Variants in PDCD7 observed in about 807,000 individuals in gnomAD.
PDCD7 encodes programmed cell death 7, also known as programmed cell death protein 7.
Under a neutral mutation model 42.1 loss-of-function variants are expected in PDCD7, and 40 were observed. The ratio of observed to expected loss-of-function variants is 0.95; its 90% CI spans 0.74 to 1.24. PDCD7 has a LOEUF of 1.24. PDCD7 is among the 50% of genes most tolerant of loss of function. The probability of loss-of-function intolerance (pLI) is 0.00; values close to 1 mark genes in which losing one functional copy is unlikely to be tolerated. For missense variants in PDCD7, 644 were observed against 662.8 expected (o/e 0.97, Z 0.31); for synonymous variants, 299 against 303.3 (o/e 0.99, Z 0.15).
At chr15:65,125,694 C>A (rs148209274) in intron 2 of PDCD7, among the ~76,000 whole-genome samples, 1 of 152,162 alleles carries the variant, frequency 6.6e-6, no homozygotes, top group African/African-American at 2.4e-5. Flanking sequence ...TTAATCCTCA[C>A]GACACCCCAT....
In PDCD7 at chr15:65,119,523, A is replaced by C. The variant is rs1272912591; in HGVS notation, c.1247-60T>G. On this transcript the variant is annotated intron_variant, in intron 3 of 4. Transcript: ENST00000204549. ...CTTGATATCCACAGTGTATTTCTCAAGGCAAGGTGACTGAGCCTATGATTA... is the reference window on the plus strand; with the variant it reads ...CTTGATATCCACAGTGTATTTCTCACGGCAAGGTGACTGAGCCTATGATTA... 8 of 1,345,812 alleles carry C rather than the reference A, an allele frequency of 5.9e-6. No individual in the cohort carries two copies. In the South Asian group the frequency reaches 7.0e-5, roughly 12 times the overall value. The allele number at this position is 1,345,812 out of a possible 1,614,324, so 83.4% of individuals were successfully genotyped here.
Position 65,119,380 on chromosome 15 carries a change from T to G in PDCD7, c.1330A>C (p.Ile444Leu). 1 of 1,611,936 alleles carries G rather than the reference T, an allele frequency of 6.2e-7. No individual in the cohort carries two copies. The highest frequency in any genetic ancestry group is 1.1e-5 in the South Asian group (1 of 90,976). Residue 444 changes from isoleucine (I) to leucine (L), a missense_variant, in exon 4 of 5, where the codon ATC (isoleucine) becomes CTC (leucine). Coordinates refer to ENST00000204549, the MANE Select transcript of PDCD7 (RefSeq NM_005707.2). The stretch of plus-strand genomic sequence containing the variant: ...TGGAGAGCCAGCCCCTCTGACCTGA[T>G]CTGGATGAGCGCTGGCAGGGAGTGC... ...AEHSLPALIQ[I>L]RHDWDQYLVP...
intron 2 of PDCD7, among the ~76,000 whole-genome samples, chr15:65,122,917 G>A (rs1254687427): frequency 2.6e-5 from 4 of 151,344 alleles, no homozygotes; most frequent in East Asian, 1.9e-4. Flanking sequence ...CAGGAGAATC[G>A]CTTGAAACCA....
At chr15:65,127,572 T>A (rs1420866349) in intron 2 of PDCD7, among the ~76,000 whole-genome samples, 2 of 151,736 alleles carry the variant, frequency 1.3e-5, no homozygotes, top group Non-Finnish European at 2.9e-5. Flanking sequence ...TGCTTAAACA[T>A]CCAGCCTCAT....
intron 2 of PDCD7, among the ~76,000 whole-genome samples, chr15:65,126,899 T>C (rs2087500687): frequency 6.6e-6 from 1 of 152,180 alleles, no homozygotes; most frequent in Non-Finnish European, 1.5e-5. Flanking sequence ...CATGGGTATA[T>C]ACACATATAC....
Position 65,118,703 on chromosome 15 carries a change from C to G in PDCD7, c.*14G>C. 6.3e-7 allele frequency: 1 copy of G among 1,594,492 alleles called. No homozygotes were observed. Among genetic ancestry groups the G allele is most frequent in the Non-Finnish European group, 8.5e-7 (1 of 1,170,720 alleles). ...AAAGAGCGCTGGCTGGACCACACTC[C>G]TGGAGCATCTTTACTAATGCAGCTT... On this transcript the variant is annotated 3_prime_UTR_variant, in exon 5 of 5. Coordinates refer to ENST00000204549, the MANE Select transcript of PDCD7 (RefSeq NM_005707.2).
chr15:65,126,359 CTCTT>C (rs952549364), intron 2 of PDCD7, among the ~76,000 whole-genome samples: 13 of 152,220 alleles, frequency 8.5e-5, no homozygotes, highest in African/African-American at 3.1e-4. Flanking sequence ...TGCTAATGAA[CTCTT>C]ATCCAGGATG....
At position 65,120,007 on chromosome 15, in the gene PDCD7, G is replaced by C. The variant is rs545499324; in HGVS notation, c.1010-53C>G. On this transcript the variant is annotated intron_variant, in intron 2 of 4. Coordinates refer to ENST00000204549, the MANE Select transcript of PDCD7 (RefSeq NM_005707.2). ...TATTTATTTTTTTTTTTGAGACAAG[G>C]CCTCGCTCTAACACCCAGGCTGGAG... The C allele has an allele frequency of 2.5e-5, 39 of 1,557,042 alleles. No homozygotes were observed. In the African/African-American group the frequency reaches 3.7e-4, roughly 15 times the overall value.
At position 65,119,933 on chromosome 15, in the gene PDCD7, G is replaced by A. The variant is rs1211539058; in HGVS notation, c.1031C>T (p.Ala344Val). ...AAGATGATGCGTAAAAGTCTCATCT[G>A]CTGAGGCTGGAGGACAGACCCCTGG... Reference protein sequence around the residue: ...ARKGVCPPASADETFTHHLQR... With the variant: ...ARKGVCPPASVDETFTHHLQR... The change falls in exon 3 of 5, where the codon GCA (alanine) becomes GTA (valine). Residue 344 changes from alanine (A) to valine (V), a missense_variant. Physicochemically the swap from Ala to Val is moderately conservative, Grantham distance 64. Transcript: ENST00000204549. 2 of 1,613,822 alleles carry A rather than the reference G, an allele frequency of 1.2e-6. No homozygotes were observed. The highest frequency in any genetic ancestry group is 3.3e-5 in the Admixed American group (2 of 59,968).
Position 65,133,226 on chromosome 15 carries a change from G to A in PDCD7, c.556C>T (p.Arg186Trp), listed in dbSNP as rs780117418. The change falls in exon 1 of 5, where the codon CGG becomes TGG. Residue 186 changes from arginine (R) to tryptophan (W), a missense_variant. Transcript: ENST00000204549. ...ARLLRALRLV[R>W]RLRGLSQALR... is the part of the protein sequence containing the mutation. ...GCCTGGCTCAGGCCGCGCAGCCGCCGCACCAGGCGCAGAGCCCGGAGCAAT... is the reference window on the plus strand; with the variant it reads ...GCCTGGCTCAGGCCGCGCAGCCGCCACACCAGGCGCAGAGCCCGGAGCAAT... The A allele has an allele frequency of 1.6e-5, 22 of 1,378,920 alleles. 2 individuals carry two copies. In the South Asian group the frequency reaches 2.9e-4, roughly 18 times the overall value. The allele number at this position is 1,378,920 out of a possible 1,614,324, so 85.4% of individuals were successfully genotyped here.
At chr15:65,123,231 A>G (rs1353447776) in intron 2 of PDCD7, among the ~76,000 whole-genome samples, 4 of 152,222 alleles carry the variant, frequency 2.6e-5, no homozygotes, top group Admixed American at 6.5e-5. Flanking sequence ...CTCTGTCACC[A>G]GGCTGGAGTA....
At position 65,133,655 on chromosome 15, in the gene PDCD7, G is replaced by A; in HGVS notation, c.127C>T (p.Gln43Ter). The A allele has an allele frequency of 7.9e-7, 1 of 1,263,968 alleles. No individual in the cohort carries two copies. Among genetic ancestry groups the A allele is most frequent in the South Asian group, 3.3e-5 (1 of 30,512 alleles). 78.3% of individuals were successfully genotyped at this position (1,263,968 alleles called of 1,614,324 possible). Residue 43 changes from glutamine (Q) to a stop codon, truncating the protein, a stop_gained, in exon 1 of 5, where the codon CAG becomes TAG. Coordinates refer to ENST00000204549, the MANE Select transcript of PDCD7 (RefSeq NM_005707.2). LOFTEE classifies it high-confidence loss of function. ...GCCCCCGGAAAAGGGCCGGGCCGCT[G>A]GGGGAGAGGCGGCGGGAAAGCCGGG... ...PSPAFPPPLP[Q>*]RPGPFPGASA...
intron 4 of PDCD7, 171 bp from the exon 5 acceptor site, chr15:65,119,011 A>G: frequency 2.1e-6 from 1 of 485,646 alleles, no homozygotes; most frequent in Non-Finnish European, 3.5e-6. Context: ...TGTACATATA[A>G]AAAGAGGAAA....
chr15:65,119,527 A>G (rs1385783396), intron 3 of PDCD7, 64 bp from the exon 4 acceptor site: 1 of 1,305,468 alleles, frequency 7.7e-7, no homozygotes, highest in African/African-American at 1.5e-5. Flanking sequence ...TTCTCAAGGC[A>G]AGGTGACTGA....
chr15:65,132,793 C>T (rs2087551889), intron 1 of PDCD7, 119 bp downstream of exon 1: 2 of 1,442,136 alleles, frequency 1.4e-6, no homozygotes, highest in Admixed American at 2.1e-5. Context: ...GGTTAGCTAT[C>T]GCTTCATTTT....
chr15:65,126,123 A>T (rs1409573068), intron 2 of PDCD7, among the ~76,000 whole-genome samples: 1 of 150,272 alleles, frequency 6.7e-6, no homozygotes, highest in Non-Finnish European at 1.5e-5. Context: ...GTGGGGACAC[A>T]GCCAAACCAT....
chr15:65,129,017 C>G lies in PDCD7; in HGVS notation c.1009+15G>C. ...GGGGAAGGGAACAAGGAAAGAAATGCAAAGCCACAGTTACCTTTCCTCGCT... is the reference window on the plus strand; with the variant it reads ...GGGGAAGGGAACAAGGAAAGAAATGGAAAGCCACAGTTACCTTTCCTCGCT... On this transcript the variant is annotated intron_variant, in intron 2 of 4. Coordinates refer to ENST00000204549, the MANE Select transcript of PDCD7 (RefSeq NM_005707.2). 1 of 1,613,716 alleles carries G rather than the reference C, an allele frequency of 6.2e-7. No individual in the cohort carries two copies. The highest frequency in any genetic ancestry group is 8.5e-7 in the Non-Finnish European group (1 of 1,179,752).
At chr15:65,125,679 T>C (rs1160528970) in intron 2 of PDCD7, among the ~76,000 whole-genome samples, 1 of 152,232 alleles carries the variant, frequency 6.6e-6, no homozygotes, top group Non-Finnish European at 1.5e-5. Flanking sequence ...CACATATTTA[T>C]TAATTTAATC....
chr15:65,123,250 C>G (rs531630407), intron 2 of PDCD7, among the ~76,000 whole-genome samples: 1 of 152,162 alleles, frequency 6.6e-6, no homozygotes, highest in Non-Finnish European at 1.5e-5. Context: ...TACAGTGGCG[C>G]GATCTCACCT....
Sources: gnomAD v4.1 joint callset for allele counts (sites outside exome capture counted in the v4.1 genomes callset) on GRCh38, gnomAD v4.1.1 for gene constraint, MANE v1.5 for transcripts, NCBI Gene and HGNC (gene_info 2026-07-23, HGNC 2026-07-21) for gene names.